Variants in KDM4C observed in about 807,000 individuals in gnomAD.
KDM4C encodes the protein lysine demethylase 4C, also known as lysine-specific demethylase 4C.
KDM4C carries 81 observed loss-of-function variants against 129.3 expected under a neutral mutation model. The ratio of observed to expected loss-of-function variants is 0.63; its 90% CI spans 0.52 to 0.75. The LOEUF (loss-of-function observed/expected upper bound fraction) is 0.75. Ranked by LOEUF, KDM4C falls within the 30% of genes least tolerant of loss-of-function variation. The pLI is 0.00. For missense variants in KDM4C, 1,457 were observed against 1,304.0 expected, an observed-to-expected ratio of 1.12 and a Z score of -1.81; for synonymous variants, 573 against 456.1, an observed-to-expected ratio of 1.26 and a Z score of -3.26.
intron 3 of KDM4C, among the ~76,000 whole-genome samples, chr9:6,807,946 G>A (rs1443570504): frequency 4.7e-5 from 6 of 126,378 alleles, no homozygotes; most frequent in Non-Finnish European, 1.1e-4. Context: ...GAGGTGGGGG[G>A]GTCAGCCCCC....
chr9:6,997,611 G>T (rs1485629897), intron 12 of KDM4C, among the ~76,000 whole-genome samples: 1 of 152,196 alleles, frequency 6.6e-6, no homozygotes, highest in Non-Finnish European at 1.5e-5. Flanking sequence ...AACACCCACT[G>T]AATAAAAGTC....
At chr9:7,033,223 G>C (rs1827079968) in intron 15 of KDM4C, among the ~76,000 whole-genome samples, 1 of 151,014 alleles carries the variant, frequency 6.6e-6, no homozygotes, top group South Asian at 2.1e-4. Flanking sequence ...GGCCGACTTT[G>C]ATCTTTATAC....
intron 8 of KDM4C, among the ~76,000 whole-genome samples, chr9:6,962,706 T>C (rs953486590): frequency 3.9e-5 from 6 of 152,194 alleles, no homozygotes; most frequent in Non-Finnish European, 8.8e-5. Context: ...GACTCAGATT[T>C]ATTTCTTCTT....
intron 11 of KDM4C, 136 bp from the exon 12 acceptor site, chr9:6,990,280 C>G (rs1213368592): frequency 3.1e-6 from 2 of 655,192 alleles, no homozygotes; most frequent in African/African-American, 1.9e-5. Context: ...TCTTAAAGGA[C>G]TAGTTCCCCA....
intron 4 of KDM4C, among the ~76,000 whole-genome samples, chr9:6,833,270 CTG>C (rs1454813076): frequency 6.6e-6 from 1 of 152,060 alleles, no homozygotes; most frequent in Admixed American, 6.5e-5. Flanking sequence ...GAATGCATAT[CTG>C]TGAGTATATC....
chr9:7,103,927 T>A (rs1187512314), intron 18 of KDM4C, 57 bp downstream of exon 18: 1 of 1,457,836 alleles, frequency 6.9e-7, no homozygotes. Context: ...TTCTCCTGTT[T>A]TAGACTACCT....
At chr9:6,956,606 C>G (rs911773054) in intron 8 of KDM4C, among the ~76,000 whole-genome samples, 1 of 152,214 alleles carries the variant, frequency 6.6e-6, no homozygotes, top group Non-Finnish European at 1.5e-5. Flanking sequence ...TATGTATTAT[C>G]TAAGGTTGCG....
intron 1 of KDM4C, among the ~76,000 whole-genome samples, chr9:6,769,620 C>CT (rs60946645): frequency 1.2e-3 from 176 of 151,974 alleles, no homozygotes; most frequent in Non-Finnish European, 1.9e-3. Flanking sequence ...AAATGCAAGA[C>CT]TTTTTTTTAT....
At chr9:7,042,870 G>T (rs1397913650) in intron 15 of KDM4C, among the ~76,000 whole-genome samples, 2 of 151,944 alleles carry the variant, frequency 1.3e-5, no homozygotes, top group Non-Finnish European at 2.9e-5. Context: ...TTTAACCCAT[G>T]GTCCTGATCT....
At position 7,061,597 on chromosome 9, in the gene KDM4C, A is replaced by C. The variant is rs555272894; in HGVS notation, c.2424+12397A>C. Among the ~76,000 whole-genome samples, 10 of 152,310 alleles carry C rather than the reference A, an allele frequency of 6.6e-5. No individual in the cohort carries two copies. The South Asian group carries it at 1.9e-3, about 28-fold the overall frequency. The stretch of plus-strand genomic sequence containing the variant: ...TAGAGAAGACTCGTCCAGTCTCCAG[A>C]CTGAAGGGTAAAAGCCTGGCTGTGG... On this transcript the variant is annotated intron_variant, in intron 17 of 21. Transcript: ENST00000381309.
intron 8 of KDM4C, among the ~76,000 whole-genome samples, chr9:6,967,301 G>C (rs940900840): frequency 6.6e-6 from 1 of 151,962 alleles, no homozygotes; most frequent in Non-Finnish European, 1.5e-5. Context: ...GCAGGCGCCT[G>C]TAATCCCAGC....
chr9:6,841,914 T>A (rs1214879129), intron 4 of KDM4C, among the ~76,000 whole-genome samples: 6 of 152,232 alleles, frequency 3.9e-5, no homozygotes, highest in African/African-American at 1.4e-4. Context: ...TAGATCCTAC[T>A]TATCCTGGAG....
intron 8 of KDM4C, among the ~76,000 whole-genome samples, chr9:6,931,502 ATATATT>A (rs1823724234): frequency 7.6e-6 from 1 of 132,414 alleles, no homozygotes; most frequent in African/African-American, 2.6e-5. Flanking sequence ...TCATATATAT[ATATATT>A]TTTTTTTCAT....
At position 7,024,319 on chromosome 9, in the gene KDM4C, G is replaced by GT. The variant is rs1252377601; in HGVS notation, c.2259+8400dup. Among the ~76,000 whole-genome samples the GT allele has an allele frequency of 9.1e-3, 1,237 of 136,374 alleles. 18 individuals are homozygous for GT. Among genetic ancestry groups the GT allele is most frequent in the African/African-American group, 0.031 (1,128 of 36,728 alleles). The allele number at this position is 136,374 out of a possible 152,430, so 89.5% of individuals were successfully genotyped here. A position where few individuals can be genotyped will look rare whatever the true frequency, so the allele number is the denominator to read the frequency against. On this transcript the variant is annotated intron_variant, in intron 15 of 21. Transcript: ENST00000381309. ...TTTTTTTTAATTTTCTTTTCAAGGT[G>GT]TTTTTTTTTTGAATTTTTAAAATTA...
intron 4 of KDM4C, among the ~76,000 whole-genome samples, chr9:6,829,813 A>G (rs1162968421): frequency 1.3e-5 from 2 of 152,324 alleles, no homozygotes; most frequent in East Asian, 1.9e-4. Flanking sequence ...TTGATAAGGT[A>G]TATCTATTGG....
rs775652048 is a variant in KDM4C at position 6,980,916 on chromosome 9, G to A, written c.922-9G>A. On this transcript the variant is annotated splice_polypyrimidine_tract_variant and intron_variant, in intron 8 of 21. Transcript: ENST00000381309. ...ACGTTTAACACTCTCCAACCCGGTT[G>A]TGTTTCAGTGCACTTGCAGGAAAGA... 1 of 1,613,292 alleles carries A rather than the reference G, an allele frequency of 6.2e-7. No individual in the cohort carries two copies. Among genetic ancestry groups the A allele is most frequent in the African/African-American group, 1.3e-5 (1 of 74,998 alleles).
At chr9:6,730,165 C>A (rs962796359) in intron 1 of KDM4C, among the ~76,000 whole-genome samples, 1 of 151,762 alleles carries the variant, frequency 6.6e-6, no homozygotes, top group African/African-American at 2.4e-5. Context: ...GGCCATGAGG[C>A]CTTGCAGCAT....
At chr9:6,840,638 G>T (rs1349565896) in intron 4 of KDM4C, among the ~76,000 whole-genome samples, 1 of 152,024 alleles carries the variant, frequency 6.6e-6, no homozygotes, top group Non-Finnish European at 1.5e-5. Context: ...CTTGTGATCC[G>T]CCCCCACTTC....
At chr9:6,807,829 T>G (rs1588416488) in intron 3 of KDM4C, among the ~76,000 whole-genome samples, 1 of 136,066 alleles carries the variant, frequency 7.3e-6, no homozygotes, top group African/African-American at 2.9e-5. Context: ...AGCCGCCCCA[T>G]CCGGGAGGGA....
Sources: gnomAD v4.1 joint callset for allele counts (sites outside exome capture counted in the v4.1 genomes callset) on GRCh38, gnomAD v4.1.1 for gene constraint, MANE v1.5 for transcripts, NCBI Gene and HGNC (gene_info 2026-07-23, HGNC 2026-07-21) for gene names.